The following FAT3 variants were observed in gnomAD, a reference collection of about 807,000 sequenced individuals.
FAT3 encodes protocadherin Fat 3.
Under a neutral mutation model 310.2 loss-of-function variants are expected in FAT3, and 95 were observed. The ratio of observed to expected loss-of-function variants is 0.31; its 90% CI spans 0.26 to 0.36. FAT3 has a LOEUF of 0.36. FAT3 is among the 10% of genes least tolerant of loss of function. The pLI, the probability that FAT3 is intolerant of heterozygous loss-of-function variation, is 1.00. For missense variants in FAT3, 5,408 were observed against 5,715.6 expected (o/e 0.95, Z 1.74); for synonymous variants, 2,314 against 2,192.9 (o/e 1.06, Z -1.54).
At chr11:92,492,622 T>G (rs1038769486) in intron 2 of FAT3, among the ~76,000 whole-genome samples, 7 of 151,972 alleles carry the variant, frequency 4.6e-5, no homozygotes, top group African/African-American at 1.7e-4. Context: ...AATCCCTTCC[T>G]ATCTTTTGGA....
At chr11:92,865,549 TG>T (rs1345273519) in intron 21 of FAT3, among the ~76,000 whole-genome samples, 3 of 152,222 alleles carry the variant, frequency 2.0e-5, no homozygotes, top group Non-Finnish European at 2.9e-5. Context: ...GTCCTCTTGC[TG>T]GGTCATAGAC....
chr11:92,227,074 G>C (rs1033673169), intron 1 of FAT3, among the ~76,000 whole-genome samples: 1 of 152,194 alleles, frequency 6.6e-6, no homozygotes, highest in Non-Finnish European at 1.5e-5. Flanking sequence ...GCAGTGCCTG[G>C]GGAGGTGCGA....
intron 1 of FAT3, among the ~76,000 whole-genome samples, chr11:92,297,165 T>A (rs1204829562): frequency 1.3e-5 from 2 of 152,106 alleles, no homozygotes; most frequent in Non-Finnish European, 2.9e-5. Context: ...TTGGTAGTCC[T>A]TCTCTTTCAT....
At chr11:92,485,611 A>G (rs1430027288) in intron 2 of FAT3, among the ~76,000 whole-genome samples, 3 of 152,210 alleles carry the variant, frequency 2.0e-5, no homozygotes, top group African/African-American at 7.2e-5. Context: ...ATGGGGATGT[A>G]TACATTATGT....
chr11:92,604,136 G>T (rs1483611284), intron 3 of FAT3, among the ~76,000 whole-genome samples: 1 of 152,132 alleles, frequency 6.6e-6, no homozygotes, highest in Non-Finnish European at 1.5e-5. Context: ...CATCAGCTAT[G>T]CTAATTAGTT....
At chr11:92,754,211 C>T (rs1419039160) in intron 4 of FAT3, among the ~76,000 whole-genome samples, 1 of 151,994 alleles carries the variant, frequency 6.6e-6, no homozygotes, top group East Asian at 1.9e-4. Flanking sequence ...TATGCATTTC[C>T]ATGCTCATTG....
chr11:92,806,528 T>G lies in FAT3; in HGVS notation c.9247+13T>G. On this transcript the variant is annotated intron_variant, in intron 12 of 27. Coordinates refer to ENST00000525166, the MANE Select transcript of FAT3 (RefSeq NM_001367949.2). ...GATCCAGAAAGTGGTAAGCTAAAAT[T>G]TATTATTGAGATAAATGTCATTGTT... 1 of 1,535,474 alleles carries G rather than the reference T, an allele frequency of 6.5e-7. No homozygotes were observed. The highest frequency in any genetic ancestry group is 8.8e-7 in the Non-Finnish European group (1 of 1,137,626).
chr11:92,839,935 G>T (rs1192595329), intron 17 of FAT3, among the ~76,000 whole-genome samples: 1 of 152,160 alleles, frequency 6.6e-6, no homozygotes, highest in Non-Finnish European at 1.5e-5. Context: ...ACAAAATTAA[G>T]GATTCCTGTT....
chr11:92,390,440 T>C (rs1325389406), intron 2 of FAT3, among the ~76,000 whole-genome samples: 1 of 152,092 alleles, frequency 6.6e-6, no homozygotes, highest in Non-Finnish European at 1.5e-5. Flanking sequence ...CCTTCACTTT[T>C]GAAATGAACA....
chr11:92,235,266 C>T (rs1182809803), intron 1 of FAT3, among the ~76,000 whole-genome samples: 1 of 152,030 alleles, frequency 6.6e-6, no homozygotes, highest in Non-Finnish European at 1.5e-5. Flanking sequence ...ACTTCTTGGC[C>T]CCTTTATCTC....
At chr11:92,826,981 A>G (rs939093428) in intron 13 of FAT3, among the ~76,000 whole-genome samples, 2 of 152,196 alleles carry the variant, frequency 1.3e-5, no homozygotes, top group Admixed American at 6.5e-5. Context: ...GACCAGATCA[A>G]AAACAGCTCA....
intron 2 of FAT3, among the ~76,000 whole-genome samples, chr11:92,407,869 T>C (rs1950166122): frequency 6.6e-6 from 1 of 152,034 alleles, no homozygotes; most frequent in South Asian, 2.1e-4. Flanking sequence ...ATGTCACTAA[T>C]AAGGAGACAA....
chr11:92,226,836 C>A (rs1317674732), intron 1 of FAT3, among the ~76,000 whole-genome samples: 1 of 152,118 alleles, frequency 6.6e-6, no homozygotes. Flanking sequence ...CTGCAGCAGC[C>A]GCGGCGGGAG....
intron 17 of FAT3, among the ~76,000 whole-genome samples, chr11:92,838,307 T>C (rs947243955): frequency 1.3e-5 from 2 of 152,210 alleles, no homozygotes; most frequent in African/African-American, 2.4e-5. Context: ...GGCATCAGGA[T>C]AGAGCTGGTA....
chr11:92,751,018 G>A (rs1945814055), intron 4 of FAT3, among the ~76,000 whole-genome samples: 1 of 152,182 alleles, frequency 6.6e-6, no homozygotes, highest in Admixed American at 6.5e-5. Flanking sequence ...GCAGCTGGCA[G>A]GATAGAGCAG....
chr11:92,334,655 C>T (rs1403541098), intron 1 of FAT3, among the ~76,000 whole-genome samples: 1 of 152,008 alleles, frequency 6.6e-6, no homozygotes, highest in Non-Finnish European at 1.5e-5. Context: ...GGAGGGCACA[C>T]CCCACTTGCA....
intron 4 of FAT3, among the ~76,000 whole-genome samples, chr11:92,713,759 G>C (rs1792365): frequency 1.3e-5 from 2 of 152,010 alleles, no homozygotes; most frequent in Admixed American, 1.3e-4. Flanking sequence ...TTGAAAATGC[G>C]TATTTTCCCA....
chr11:92,522,922 G>A (rs1041952271), intron 2 of FAT3, among the ~76,000 whole-genome samples: 1 of 152,154 alleles, frequency 6.6e-6, no homozygotes, highest in African/African-American at 2.4e-5. Context: ...TGCATTGTGT[G>A]CTATGGGCCC....
chr11:92,571,233 C>T (rs940896640), intron 3 of FAT3, among the ~76,000 whole-genome samples: 8 of 152,210 alleles, frequency 5.3e-5, no homozygotes, highest in African/African-American at 1.7e-4. Context: ...GGACAAGATA[C>T]ATATGGTTAG....
Sources: gnomAD v4.1 joint callset for allele counts (sites outside exome capture counted in the v4.1 genomes callset) on GRCh38, gnomAD v4.1.1 for gene constraint, MANE v1.5 for transcripts, NCBI Gene and HGNC (gene_info 2026-07-23, HGNC 2026-07-21) for gene names.